Variants in CSMD1 observed in about 807,000 individuals in gnomAD.
CSMD1 encodes the protein CUB and Sushi multiple domains 1, also known as CUB and sushi domain-containing protein 1.
CSMD1 carries 213 observed loss-of-function variants against 417.5 expected under a neutral mutation model. The ratio of observed to expected loss-of-function variants is 0.51; its 90% CI spans 0.46 to 0.57. The LOEUF (loss-of-function observed/expected upper bound fraction) is 0.57, where lower values mean the gene tolerates loss of function less well. Ranked by LOEUF, CSMD1 falls within the 20% of genes least tolerant of loss-of-function variation. CSMD1 has a pLI of 0.00. For missense variants in CSMD1, 6,923 were observed against 4,529.7 expected, an observed-to-expected ratio of 1.53 and a Z score of -15.17; for synonymous variants, 2,862 against 1,736.8, an observed-to-expected ratio of 1.65 and a Z score of -16.11.
At position 3,850,784 on chromosome 8, in the gene CSMD1, G is replaced by C. The variant is rs1563144023; in HGVS notation, c.819-96742C>G. Among the ~76,000 whole-genome samples, 4 of 152,184 alleles carry C rather than the reference G, an allele frequency of 2.6e-5. No individual in the cohort carries two copies. The South Asian group carries it at 6.2e-4, about 24-fold the overall frequency. On this transcript the variant is annotated intron_variant, in intron 5 of 69. Transcript: ENST00000635120. ...CACATCACAGGGGTGTGCCTTAGTAGTGTGTGAAAGTCCAGTCAAAGGAAC... is the reference window on the plus strand; with the variant it reads ...CACATCACAGGGGTGTGCCTTAGTACTGTGTGAAAGTCCAGTCAAAGGAAC...
At chr8:4,928,240 G>A (rs560844955) in intron 1 of CSMD1, among the ~76,000 whole-genome samples, 1 of 152,104 alleles carries the variant, frequency 6.6e-6, no homozygotes, top group South Asian at 2.1e-4. Flanking sequence ...TGCTTCCACT[G>A]GATCTCAGCT....
chr8:3,285,388 CTTT>C (rs147849935), intron 25 of CSMD1, among the ~76,000 whole-genome samples: 2 of 146,838 alleles, frequency 1.4e-5, no homozygotes, highest in East Asian at 4.0e-4. Context: ...TTTGTCAGAA[CTTT>C]TTTTTTTTTT....
intron 2 of CSMD1, among the ~76,000 whole-genome samples, chr8:4,446,665 G>C (rs1242029484): frequency 2.6e-5 from 4 of 151,912 alleles, no homozygotes; most frequent in African/African-American, 4.8e-5. Context: ...GCCATTCTCT[G>C]TCTCAGTCTC....
intron 10 of CSMD1, among the ~76,000 whole-genome samples, chr8:3,540,761 C>T (rs10098546): frequency 0.039 from 5,909 of 152,218 alleles, 339 homozygotes; most frequent in African/African-American, 0.12. Flanking sequence ...GACATCCATG[C>T]AGTCAACAAA....
intron 5 of CSMD1, among the ~76,000 whole-genome samples, chr8:3,784,946 C>T (rs1213174436): frequency 6.6e-5 from 10 of 152,170 alleles, no homozygotes; most frequent in Admixed American, 6.5e-4. Context: ...CTAAAATATA[C>T]TGCTGTAGAA....
At chr8:3,673,930 C>T (rs538347680) in intron 7 of CSMD1, among the ~76,000 whole-genome samples, 1 of 152,064 alleles carries the variant, frequency 6.6e-6, no homozygotes, top group East Asian at 1.9e-4. Flanking sequence ...CGAGCCTGGG[C>T]AACATGGCAC....
chr8:4,658,960 G>C, intron 1 of CSMD1, among the ~76,000 whole-genome samples: 1 of 152,122 alleles, frequency 6.6e-6, no homozygotes, highest in Non-Finnish European at 1.5e-5. Context: ...GATGTGAATT[G>C]TAATGTCTGT....
At chr8:3,606,772 G>A (rs368450504) in intron 8 of CSMD1, among the ~76,000 whole-genome samples, 46 of 149,858 alleles carry the variant, frequency 3.1e-4, no homozygotes, top group African/African-American at 8.9e-4. Flanking sequence ...GTACAGTGGC[G>A]TGATCTCCAC....
chr8:4,179,821 G>A (rs1798255595), intron 3 of CSMD1, among the ~76,000 whole-genome samples: 1 of 152,112 alleles, frequency 6.6e-6, no homozygotes, highest in Non-Finnish European at 1.5e-5. Flanking sequence ...AAAGACACAT[G>A]AAAAAATGCT....
intron 5 of CSMD1, among the ~76,000 whole-genome samples, chr8:3,824,750 G>A (rs950382574): frequency 6.6e-6 from 1 of 152,020 alleles, no homozygotes; most frequent in Non-Finnish European, 1.5e-5. Flanking sequence ...AATGAGATGT[G>A]GCTCACATTG....
rs149416539 is a variant in CSMD1 at position 4,853,757 on chromosome 8, T to A, written c.85+140575A>T. On this transcript the variant is annotated intron_variant, in intron 1 of 69. Coordinates refer to ENST00000635120, the MANE Select transcript of CSMD1 (RefSeq NM_033225.6). ...CTCGTCATGGAAAAGTCATAGGCACTCAACTCCAGCACATGAAAGCAGCCA... is the reference window on the plus strand; with the variant it reads ...CTCGTCATGGAAAAGTCATAGGCACACAACTCCAGCACATGAAAGCAGCCA... Among the ~76,000 whole-genome samples the A allele has an allele frequency of 7.4e-3, 1,132 of 152,234 alleles. 11 individuals carry two copies. Among genetic ancestry groups the A allele is most frequent in the African/African-American group, 0.025 (1,043 of 41,546 alleles).
At chr8:3,892,161 A>C (rs1807020183) in intron 5 of CSMD1, among the ~76,000 whole-genome samples, 1 of 152,202 alleles carries the variant, frequency 6.6e-6, no homozygotes, top group Admixed American at 6.5e-5. Context: ...AACAGCCCCA[A>C]ATATATGAGG....
intron 23 of CSMD1, among the ~76,000 whole-genome samples, chr8:3,316,474 G>A (rs767859150): frequency 6.6e-6 from 1 of 152,108 alleles, no homozygotes; most frequent in Non-Finnish European, 1.5e-5. Flanking sequence ...TTTGCGTGAA[G>A]GTTGAGAGGG....
chr8:4,200,440 C>T (rs1799579977), intron 3 of CSMD1, among the ~76,000 whole-genome samples: 1 of 152,142 alleles, frequency 6.6e-6, no homozygotes, highest in Non-Finnish European at 1.5e-5. Context: ...CCACAGCCGT[C>T]TACTCAACAC....
chr8:4,043,080 G>A (rs76241590), intron 3 of CSMD1, among the ~76,000 whole-genome samples: 7,478 of 151,984 alleles, frequency 0.049, 633 homozygotes, highest in African/African-American at 0.17. Context: ...TGCAGTGAGC[G>A]GAAATTGCAC....
rs1448938726 is a variant in CSMD1 at position 4,284,243 on chromosome 8, C to T, written c.415+135710G>A. 2.6e-5 allele frequency among the ~76,000 whole-genome samples: 4 copies of T among 152,218 alleles called. No homozygotes were observed. In the East Asian group the frequency reaches 7.7e-4, roughly 29 times the overall value. On this transcript the variant is annotated intron_variant, in intron 3 of 69. Transcript: ENST00000635120. ...ATTAGCTGGGCGTGGTGGCACGTGC[C>T]TGTAATGTTAGCTGCTCGCGAGGCT...
At chr8:3,190,295 G>T (rs1796335326) in intron 33 of CSMD1, among the ~76,000 whole-genome samples, 180 bp from the exon 34 acceptor site, 2 of 104,452 alleles carry the variant, frequency 1.9e-5, no homozygotes, top group Non-Finnish European at 4.1e-5. Context: ...AGCTGGTGCA[G>T]ATAGAGAAGT....
chr8:4,529,508 A>G (rs772990899), intron 2 of CSMD1, among the ~76,000 whole-genome samples: 8 of 152,210 alleles, frequency 5.3e-5, no homozygotes, highest in Non-Finnish European at 1.2e-4. Context: ...AATTATGAAT[A>G]AATTTCTAAA....
intron 3 of CSMD1, among the ~76,000 whole-genome samples, chr8:4,092,146 C>T (rs991762232): frequency 2.0e-5 from 3 of 152,086 alleles, no homozygotes; most frequent in African/African-American, 7.2e-5. Flanking sequence ...AAAATTTTTC[C>T]TTAAATTCTA....
Sources: allele counts gnomAD v4.1 joint callset (sites outside exome capture counted in the v4.1 genomes callset), GRCh38; gene constraint gnomAD v4.1.1; transcripts MANE v1.5; gene names NCBI Gene and HGNC (gene_info 2026-07-23, HGNC 2026-07-21).